The following PLCB1 variants were observed in gnomAD, a reference collection of about 807,000 sequenced individuals.
The protein encoded by PLCB1 is 1-phosphatidylinositol 4,5-bisphosphate phosphodiesterase beta-1.
PLCB1 carries 46 observed loss-of-function variants against 161.8 expected under a neutral mutation model. The ratio of observed to expected loss-of-function variants is 0.28; its 90% CI spans 0.22 to 0.36. The LOEUF is 0.36. Among genes scored for constraint, PLCB1 ranks in the 10% least tolerant of loss-of-function variants. The pLI is 1.00. For missense variants in PLCB1, 1,016 were observed against 1,472.5 expected (o/e 0.69, Z 5.07); for synonymous variants, 517 against 503.7 (o/e 1.03, Z -0.35).
chr20:8,247,722 A>G (rs1456118036), intron 2 of PLCB1, among the ~76,000 whole-genome samples: 2 of 151,832 alleles, frequency 1.3e-5, no homozygotes, highest in African/African-American at 2.4e-5. Flanking sequence ...TTTACTCTCA[A>G]AAGCAAGGGC....
chr20:8,156,773 T>A (rs1329078146), intron 2 of PLCB1, among the ~76,000 whole-genome samples: 1 of 152,186 alleles, frequency 6.6e-6, no homozygotes, highest in African/African-American at 2.4e-5. Flanking sequence ...ATTACTCTCT[T>A]AGTGTTGTTG....
chr20:8,185,570 ATATT>A (rs2051894564), intron 2 of PLCB1, among the ~76,000 whole-genome samples: 3 of 145,356 alleles, frequency 2.1e-5, no homozygotes, highest in Non-Finnish European at 4.5e-5. Flanking sequence ...ATATATACAT[ATATT>A]TATTTATTAC....
In PLCB1 at chr20:8,679,685, G is replaced by A. The variant is rs143652728; in HGVS notation, c.863-5247G>A. Among the ~76,000 whole-genome samples, 297 of 152,210 alleles carry A rather than the reference G, an allele frequency of 2.0e-3. 1 individual carries two copies. The highest frequency in any genetic ancestry group is 6.5e-3 in the African/African-American group (269 of 41,550). On this transcript the variant is annotated intron_variant, in intron 9 of 31. Transcript: ENST00000338037. ...ATGTTTTGTACTTCAGCTGGAAGTG[G>A]TACAAACACTATGTTTGTTTATGAA...
chr20:8,539,747 T>C (rs1985230207), intron 3 of PLCB1, among the ~76,000 whole-genome samples: 2 of 151,264 alleles, frequency 1.3e-5, no homozygotes, highest in Non-Finnish European at 2.9e-5. Flanking sequence ...TTTCTCTTTT[T>C]TCTGTCCTCT....
chr20:8,269,827 A>T (rs148565946), intron 2 of PLCB1, among the ~76,000 whole-genome samples: 1 of 152,172 alleles, frequency 6.6e-6, no homozygotes, highest in East Asian at 1.9e-4. Context: ...AACTTTCAAA[A>T]TTAGGAAGCT....
At chr20:8,352,611 A>C (rs1263472385) in intron 2 of PLCB1, among the ~76,000 whole-genome samples, 1 of 152,148 alleles carries the variant, frequency 6.6e-6, no homozygotes, top group Non-Finnish European at 1.5e-5. Context: ...TATATTATAA[A>C]TATAGACAAC....
At chr20:8,280,335 C>CA (rs771888171) in intron 2 of PLCB1, among the ~76,000 whole-genome samples, 300 of 78,758 alleles carry the variant, frequency 3.8e-3, no homozygotes, top group Admixed American at 8.2e-3. Context: ...AACTCTGTCT[C>CA]AAAAAAAAAA....
intron 2 of PLCB1, among the ~76,000 whole-genome samples, chr20:8,321,478 T>C (rs1002848149): frequency 1.3e-5 from 2 of 152,172 alleles, no homozygotes; most frequent in Non-Finnish European, 2.9e-5. Context: ...AAATAAGCAT[T>C]CTTCCTGCCC....
chr20:8,409,536 C>T (rs1333638283), intron 3 of PLCB1, among the ~76,000 whole-genome samples: 1 of 151,834 alleles, frequency 6.6e-6, no homozygotes, highest in Non-Finnish European at 1.5e-5. Context: ...GGTCTTGGCT[C>T]ACTGCAACCT....
intron 2 of PLCB1, among the ~76,000 whole-genome samples, chr20:8,338,675 A>G (rs1985679324): frequency 2.0e-5 from 3 of 152,190 alleles, no homozygotes; most frequent in South Asian, 2.1e-4. Flanking sequence ...AGAATGCACA[A>G]ATCTCAAATA....
chr20:8,814,251 C>T (rs912293396), intron 31 of PLCB1, among the ~76,000 whole-genome samples: 1 of 152,060 alleles, frequency 6.6e-6, no homozygotes, highest in South Asian at 2.1e-4. Flanking sequence ...TGGTGTTTGT[C>T]GATGGCATTA....
intron 3 of PLCB1, among the ~76,000 whole-genome samples, chr20:8,381,635 T>C (rs1987256619): frequency 6.6e-6 from 1 of 152,258 alleles, no homozygotes; most frequent in Non-Finnish European, 1.5e-5. Context: ...GTTATTGGTC[T>C]ATTCATGGAT....
Position 8,882,047 on chromosome 20 carries a change from A to AG in PLCB1, c.*200dup. 1.8e-6 allele frequency: 1 copy of AG among 566,342 alleles called. No homozygotes were observed. Among genetic ancestry groups the AG allele is most frequent in the East Asian group, 2.9e-5 (1 of 34,664 alleles). 35.1% of individuals were successfully genotyped at this position (566,342 alleles called of 1,614,324 possible). On this transcript the variant is annotated 3_prime_UTR_variant, in exon 32 of 32. Transcript: ENST00000338037. ...CCATGTGTCATGTGGAAACCTCCAC[A>AG]GGTCTGCTAGTGAAGAATGCATGTA...
Position 8,843,738 on chromosome 20 carries a change from G to A in PLCB1, c.3424-37884G>A, listed in dbSNP as rs181154583. Among the ~76,000 whole-genome samples the A allele has an allele frequency of 4.4e-3, 663 of 152,274 alleles. 6 individuals are homozygous for A. The highest frequency in any genetic ancestry group is 9.4e-3 in the Admixed American group (143 of 15,290). On this transcript the variant is annotated intron_variant, in intron 31 of 31. Transcript: ENST00000338037. ...TTTGCCCTCCATATAGAGAGTCCATGTGTTTGAATAGACTTTATTATTTTC... is the reference window on the plus strand; with the variant it reads ...TTTGCCCTCCATATAGAGAGTCCATATGTTTGAATAGACTTTATTATTTTC...
intron 2 of PLCB1, among the ~76,000 whole-genome samples, chr20:8,156,380 G>A (rs575887336): frequency 6.6e-6 from 1 of 152,186 alleles, no homozygotes; most frequent in Non-Finnish European, 1.5e-5. Flanking sequence ...TTCCCTTCCT[G>A]TCTCACTTCT....
chr20:8,136,617 C>G (rs978097901), intron 1 of PLCB1, among the ~76,000 whole-genome samples: 4 of 134,058 alleles, frequency 3.0e-5, no homozygotes, highest in African/African-American at 1.2e-4. Context: ...CAGAGCAAGA[C>G]TCTGTCTCAA....
At chr20:8,314,965 CA>C (rs1243690136) in intron 2 of PLCB1, among the ~76,000 whole-genome samples, 1 of 152,142 alleles carries the variant, frequency 6.6e-6, no homozygotes, top group Non-Finnish European at 1.5e-5. Flanking sequence ...TGACCTTATG[CA>C]ATTGTGGAAG....
At chr20:8,222,538 A>G (rs1265726665) in intron 2 of PLCB1, among the ~76,000 whole-genome samples, 5 of 152,110 alleles carry the variant, frequency 3.3e-5, no homozygotes, top group African/African-American at 1.2e-4. Context: ...TTATACTATG[A>G]TGAATCTAAA....
At chr20:8,822,407 G>A (rs1218091991) in intron 31 of PLCB1, among the ~76,000 whole-genome samples, 1 of 152,184 alleles carries the variant, frequency 6.6e-6, no homozygotes, top group Admixed American at 6.5e-5. Flanking sequence ...GCTGGGAATG[G>A]ACAGGCCTCC....
Sources: gnomAD v4.1 joint callset for allele counts (sites outside exome capture counted in the v4.1 genomes callset) on GRCh38, gnomAD v4.1.1 for gene constraint, MANE v1.5 for transcripts, NCBI Gene and HGNC (gene_info 2026-07-23, HGNC 2026-07-21) for gene names.